The following SCN11A variants were observed in gnomAD, a reference collection of about 807,000 sequenced individuals.
SCN11A encodes sodium channel protein type 11 subunit alpha.
SCN11A carries 122 observed loss-of-function variants against 162.2 expected under a neutral mutation model. The ratio of observed to expected loss-of-function variants is 0.75; its 90% CI spans 0.65 to 0.87. The LOEUF is 0.87. Among genes scored for constraint, SCN11A ranks in the 40% least tolerant of loss-of-function variants. The probability of loss-of-function intolerance (pLI) is 0.00; values close to 1 mark genes in which losing one functional copy is unlikely to be tolerated. For synonymous variants in SCN11A, 758 were observed against 751.5 expected (o/e 1.01, Z -0.14); for missense variants, 2,015 against 2,181.6 (o/e 0.92, Z 1.52).
chr3:38,956,006 G>A (rs2066677523), intron 3 of SCN11A, among the ~76,000 whole-genome samples: 1 of 152,138 alleles, frequency 6.6e-6, no homozygotes, highest in South Asian at 2.1e-4. Flanking sequence ...CAGCACTTTG[G>A]GAGGCTGAGG....
At chr3:38,899,608 G>A (rs1392263793) in intron 17 of SCN11A, among the ~76,000 whole-genome samples, 1 of 152,146 alleles carries the variant, frequency 6.6e-6, no homozygotes, top group African/African-American at 2.4e-5. Flanking sequence ...TGTGCACAGA[G>A]CAAGGAACAG....
intron 1 of SCN11A, among the ~76,000 whole-genome samples, chr3:39,036,478 A>G (rs911425813): frequency 6.6e-6 from 1 of 152,204 alleles, no homozygotes. Flanking sequence ...CCAAAAGCAC[A>G]GACAATCAAA....
chr3:38,932,172 C>A (rs567261932), intron 7 of SCN11A, among the ~76,000 whole-genome samples: 13 of 151,464 alleles, frequency 8.6e-5, no homozygotes, highest in Non-Finnish European at 1.6e-4. Flanking sequence ...CAAAGCTGTA[C>A]CCCTAAGCAT....
intron 29 of SCN11A, chr3:38,849,208 T>C (rs2064731464): frequency 6.6e-6 from 1 of 151,436 alleles, no homozygotes; most frequent in African/African-American, 2.4e-5. Context: ...GAAGGGCTCT[T>C]TGAGTTCTTA....
intron 1 of SCN11A, among the ~76,000 whole-genome samples, chr3:39,044,767 C>CA (rs1250750845): frequency 6.6e-6 from 1 of 151,674 alleles, no homozygotes; most frequent in Non-Finnish European, 1.5e-5. Flanking sequence ...CAAGGAACTA[C>CA]AAAAACAAGA....
At position 38,925,612 on chromosome 3, in the gene SCN11A, C is replaced by T. The variant is rs4676474; in HGVS notation, c.618-103G>A. 429,000 of 734,626 alleles carry T rather than the reference C, an allele frequency of 0.58. 132,878 individuals carry two copies. Among genetic ancestry groups the T allele is most frequent in the Non-Finnish European group, 0.64 (271,591 of 424,662 alleles). The allele number at this position is 734,626 out of a possible 1,614,324, so 45.5% of individuals were successfully genotyped here. A position where few individuals can be genotyped will look rare whatever the true frequency, so the allele number is the denominator to read the frequency against. ...GTAAGCTCAGCCTGAGGCCTGTGACCTCCAAGGTGAAATCGACAGCCTCAC... is the reference window on the plus strand; with the variant it reads ...GTAAGCTCAGCCTGAGGCCTGTGACTTCCAAGGTGAAATCGACAGCCTCAC... On this transcript the variant is annotated intron_variant, in intron 8 of 29. Coordinates refer to ENST00000302328, the MANE Select transcript of SCN11A (RefSeq NM_001349253.2).
chr3:38,953,482 G>A (rs1193918891), intron 4 of SCN11A, among the ~76,000 whole-genome samples, 147 bp downstream of exon 4: 1 of 152,134 alleles, frequency 6.6e-6, no homozygotes, highest in Non-Finnish European at 1.5e-5. Flanking sequence ...ATAAAGGGGA[G>A]GCTAAAATCA....
At chr3:38,892,370 T>A (rs986224013) in intron 19 of SCN11A, among the ~76,000 whole-genome samples, 1 of 152,200 alleles carries the variant, frequency 6.6e-6, no homozygotes, top group African/African-American at 2.4e-5. Flanking sequence ...CTTTCTTCTT[T>A]TAGCTGATTT....
intron 11 of SCN11A, among the ~76,000 whole-genome samples, chr3:38,915,404 T>C (rs1307894928): frequency 2.0e-5 from 3 of 152,148 alleles, no homozygotes; most frequent in Admixed American, 1.3e-4. Flanking sequence ...TGTGACATTG[T>C]TTAAGTTATT....
intron 2 of SCN11A, among the ~76,000 whole-genome samples, chr3:38,999,178 T>C (rs2030736909): frequency 6.6e-6 from 1 of 152,166 alleles, no homozygotes; most frequent in African/African-American, 2.4e-5. Context: ...AGGGAGAGTG[T>C]GGATTGAAGC....
At chr3:38,847,797 C>G (rs1454699833) in intron 29 of SCN11A, 55 bp from the exon 30 acceptor site, 1 of 1,134,692 alleles carries the variant, frequency 8.8e-7, no homozygotes, top group East Asian at 2.5e-5. Context: ...GGTTTCAGAT[C>G]CAGCCTGTCT....
At chr3:39,003,336 C>T (rs1357252267) in intron 2 of SCN11A, among the ~76,000 whole-genome samples, 1 of 152,220 alleles carries the variant, frequency 6.6e-6, no homozygotes, top group African/African-American at 2.4e-5. Flanking sequence ...CCAGCTCCAT[C>T]CACATTTCTG....
At chr3:38,897,287 C>T (rs910441412) in intron 17 of SCN11A, 62 bp from the exon 18 acceptor site, 19 of 1,507,418 alleles carry the variant, frequency 1.3e-5, no homozygotes, top group Middle Eastern at 1.8e-4. Context: ...ACTCCATCTG[C>T]TCATCTATAA....
intron 2 of SCN11A, among the ~76,000 whole-genome samples, chr3:38,964,127 G>C (rs1396954693): frequency 6.6e-6 from 1 of 152,214 alleles, no homozygotes; most frequent in Admixed American, 6.5e-5. Context: ...CACCTGTGCT[G>C]GGTCCACATT....
At chr3:38,948,149 A>T (rs1295923073) in intron 5 of SCN11A, among the ~76,000 whole-genome samples, 6 of 152,146 alleles carry the variant, frequency 3.9e-5, no homozygotes, top group African/African-American at 9.7e-5. Context: ...GGGGTTTTTT[A>T]AAAATATGAG....
At chr3:38,938,637 T>C (rs1229494129) in intron 7 of SCN11A, among the ~76,000 whole-genome samples, 4 of 141,358 alleles carry the variant, frequency 2.8e-5, no homozygotes, top group African/African-American at 5.2e-5. Flanking sequence ...TCATCTCTGC[T>C]CTCTGCAACC....
intron 27 of SCN11A, among the ~76,000 whole-genome samples, chr3:38,864,179 C>T (rs1360302806): frequency 6.6e-6 from 1 of 152,100 alleles, no homozygotes; most frequent in African/African-American, 2.4e-5. Flanking sequence ...TGGAAGACAA[C>T]CAGAAAATTG....
At chr3:39,038,163 G>A (rs1429225405) in intron 1 of SCN11A, among the ~76,000 whole-genome samples, 1 of 152,202 alleles carries the variant, frequency 6.6e-6, no homozygotes, top group African/African-American at 2.4e-5. Context: ...CCACAACTTA[G>A]CCACTTAAAA....
chr3:38,905,388 A>G, intron 14 of SCN11A, 67 bp from the exon 15 acceptor site: 2 of 1,549,132 alleles, frequency 1.3e-6, no homozygotes, highest in Non-Finnish European at 1.7e-6. Flanking sequence ...TTAACAAACT[A>G]CTTTGTTCCA....
Sources: allele counts gnomAD v4.1 joint callset (sites outside exome capture counted in the v4.1 genomes callset), GRCh38; gene constraint gnomAD v4.1.1; transcripts MANE v1.5; gene names NCBI Gene and HGNC (gene_info 2026-07-23, HGNC 2026-07-21).